The following ZNF600 variants were observed in gnomAD, a reference collection of about 807,000 sequenced individuals.
The protein encoded by ZNF600 is zinc finger protein KR-ZNF1.
In ZNF600, 4 loss-of-function variants were observed where a neutral mutation model predicts 7.3. That is an observed-to-expected ratio of 0.55 (90% CI 0.27 to 1.25). The LOEUF (loss-of-function observed/expected upper bound fraction) is 1.25, where lower values mean the gene tolerates loss of function less well. ZNF600 is among the 50% of genes most tolerant of loss of function. The probability of loss-of-function intolerance (pLI) is 0.12; values close to 1 mark genes in which losing one functional copy is unlikely to be tolerated. For synonymous variants in ZNF600, 290 were observed against 308.9 expected (o/e 0.94, Z 0.64); for missense variants, 911 against 922.1 (o/e 0.99, Z 0.16).
chr19:52,790,327 T>C (rs190459714), upstream of ZNF600, among the ~76,000 whole-genome samples: 2 of 152,188 alleles, frequency 1.3e-5, no homozygotes, highest in East Asian at 3.9e-4. Flanking sequence ...TGAAACCCTA[T>C]CTCTACTAAA....
At chr19:52,809,940 G>GC in the ZNF600 span, 12 of 853,140 alleles carry the variant, frequency 1.4e-5, no homozygotes, top group African/African-American at 1.5e-4. Flanking sequence ...CGGGGAGGTT[G>GC]CCCCGGGGGG....
chr19:52,831,318 CTCT>C, the ZNF600 span, among the ~76,000 whole-genome samples: 13 of 151,766 alleles, frequency 8.6e-5, no homozygotes, highest in African/African-American at 3.1e-4. Context: ...TTTCTGTTTT[CTCT>C]TTTTTTGAGA....
intron 3 of ZNF600, among the ~76,000 whole-genome samples, chr19:52,768,024 A>T (rs1351427747): frequency 6.6e-6 from 1 of 152,142 alleles, no homozygotes; most frequent in African/African-American, 2.4e-5. Context: ...TGTAAGCCTA[A>T]GGTAAGGAGT....
upstream of ZNF600, among the ~76,000 whole-genome samples, chr19:52,790,275 G>A (rs949525208): frequency 6.6e-6 from 1 of 152,174 alleles, no homozygotes; most frequent in Non-Finnish European, 1.5e-5. Flanking sequence ...AAGAAGGGCA[G>A]ATCATGAGGT....
At chr19:52,767,932 A>AG (rs2062602179) in intron 3 of ZNF600, among the ~76,000 whole-genome samples, 160 bp from the exon 6 acceptor site, 1 of 152,172 alleles carries the variant, frequency 6.6e-6, no homozygotes, top group Admixed American at 6.5e-5. Flanking sequence ...TTAATAAACA[A>AG]GGGGCAATTA....
chr19:52,803,593 C>T, the ZNF600 span, among the ~76,000 whole-genome samples: 7 of 152,144 alleles, frequency 4.6e-5, no homozygotes, highest in African/African-American at 1.7e-4. Context: ...CAGCACACAA[C>T]ATAAGAACTG....
chr19:52,809,955 G>T, the ZNF600 span: 1 of 813,974 alleles, frequency 1.2e-6, no homozygotes, highest in Non-Finnish European at 2.1e-6. Flanking sequence ...GGGGGGCGCA[G>T]GGGACGATGG....
the ZNF600 span, among the ~76,000 whole-genome samples, chr19:52,823,565 T>C: frequency 6.6e-6 from 1 of 152,192 alleles, no homozygotes; most frequent in Non-Finnish European, 1.5e-5. Context: ...TCAGGTTGCA[T>C]GACCACGTTC....
At chr19:52,800,047 C>T in the ZNF600 span, 5 of 1,613,752 alleles carry the variant, frequency 3.1e-6, no homozygotes, top group East Asian at 4.5e-5. Flanking sequence ...CCAGTATGAA[C>T]TCTCTGATGT....
intron 3 of ZNF600, among the ~76,000 whole-genome samples, chr19:52,773,924 G>T (rs2062651071): frequency 6.6e-6 from 1 of 151,310 alleles, no homozygotes; most frequent in South Asian, 2.1e-4. Context: ...CACCATGTTG[G>T]CCAGGCTGGT....
At chr19:52,784,574 T>C (rs997347710) in intron 1 of ZNF600, among the ~76,000 whole-genome samples, 1 of 152,166 alleles carries the variant, frequency 6.6e-6, no homozygotes, top group African/African-American at 2.4e-5. Context: ...GATACCAAAA[T>C]TTATAGAATG....
At chr19:52,829,172 A>C in the ZNF600 span, among the ~76,000 whole-genome samples, 70,276 of 145,814 alleles carry the variant, frequency 0.48, 17,927 homozygotes, top group Non-Finnish European at 0.58. Context: ...CCTTATTTTT[A>C]TTTTTTTCTT....
the ZNF600 span, among the ~76,000 whole-genome samples, chr19:52,832,763 C>A: frequency 4.2e-4 from 64 of 151,816 alleles, no homozygotes; most frequent in African/African-American, 1.4e-3. Flanking sequence ...GCGACATTTT[C>A]TCTCTCTCTC....
the ZNF600 span, among the ~76,000 whole-genome samples, chr19:52,816,590 G>T: frequency 2.1e-5 from 3 of 145,212 alleles, no homozygotes; most frequent in Non-Finnish European, 4.4e-5. Context: ...CATGAACCCA[G>T]GAGGCAGAGC....
chr19:52,808,035 C>A, the ZNF600 span: 1 of 1,613,532 alleles, frequency 6.2e-7, no homozygotes, highest in Admixed American at 1.7e-5. Flanking sequence ...TATAATTCTC[C>A]AGCATCACAT....
chr19:52,810,453 T>G, the ZNF600 span: 2 of 1,596,560 alleles, frequency 1.3e-6, no homozygotes, highest in Non-Finnish European at 1.7e-6. Flanking sequence ...TATAGAGTTC[T>G]CAAAGAGTCA....
At chr19:52,766,720 C>T (rs751827927) in exon 4 of ZNF600, 2 of 1,612,634 alleles carry the variant, frequency 1.2e-6, no homozygotes, top group African/African-American at 1.3e-5. Flanking sequence ...TTATGTCTTG[C>T]CAGCTGAGAA....
the ZNF600 span, chr19:52,800,694 T>C: frequency 6.2e-7 from 1 of 1,613,940 alleles, no homozygotes; most frequent in Non-Finnish European, 8.5e-7. Context: ...TTCTTCACAT[T>C]CATAAGGTTT....
chr19:52,773,204 C>T (rs561666167), intron 3 of ZNF600, among the ~76,000 whole-genome samples: 1 of 152,270 alleles, frequency 6.6e-6, no homozygotes, highest in East Asian at 1.9e-4. Flanking sequence ...GCATGCATGT[C>T]TGTGGGAATA....
Sources: allele counts gnomAD v4.1 joint callset (sites outside exome capture counted in the v4.1 genomes callset), GRCh38; gene constraint gnomAD v4.1.1; transcripts MANE v1.5; gene names NCBI Gene and HGNC (gene_info 2026-07-23, HGNC 2026-07-21).